ERCC6: variants seen among roughly 807,000 people sequenced by gnomAD.
The protein encoded by ERCC6 is ERCC excision repair 6, chromatin remodeling factor, also known as DNA excision repair protein ERCC-6.
Under a neutral mutation model 158.7 loss-of-function variants are expected in ERCC6, and 116 were observed. The observed-to-expected ratio is 0.73, with a 90% CI of 0.63 to 0.85. ERCC6 has a LOEUF of 0.85. Ranked by LOEUF, ERCC6 falls within the 40% of genes least tolerant of loss-of-function variation. The pLI, the probability that ERCC6 is intolerant of heterozygous loss-of-function variation, is 0.00. For synonymous variants in ERCC6, 678 were observed against 659.3 expected (o/e 1.03, Z -0.43); for missense variants, 1,698 against 1,799.4 (o/e 0.94, Z 1.02).
intron 12 of ERCC6, among the ~76,000 whole-genome samples, chr10:49,475,684 T>C (rs979137035): frequency 6.6e-6 from 1 of 152,174 alleles, no homozygotes; most frequent in African/African-American, 2.4e-5. Context: ...AGAATCACCA[T>C]AAATAAATTA....
the ERCC6 span, among the ~76,000 whole-genome samples, chr10:49,447,207 CAAAAT>C: frequency 6.6e-6 from 1 of 152,118 alleles, no homozygotes; most frequent in Admixed American, 6.5e-5. Context: ...TTAAAACAGA[CAAAAT>C]AAACAATTTT....
chr10:49,517,827 A>C (rs1413654326), intron 5 of ERCC6, among the ~76,000 whole-genome samples: 1 of 152,138 alleles, frequency 6.6e-6, no homozygotes, highest in African/African-American at 2.4e-5. Flanking sequence ...TACAGGTATG[A>C]GCCATTGTGC....
At chr10:49,531,723 T>C (rs1837473034) in intron 2 of ERCC6, among the ~76,000 whole-genome samples, 2 of 152,190 alleles carry the variant, frequency 1.3e-5, no homozygotes, top group African/African-American at 4.8e-5. Flanking sequence ...GCAGAAAACA[T>C]GTCTTTGAAG....
rs56345022 is a variant in ERCC6 at position 49,530,878 on chromosome 10, TA to T, written c.423-39del. ...ATAAATTGTCTATTTTGCACTCTGATAACATTTTTATAGCATAATATAAAGA... is the reference window on the plus strand; with the variant it reads ...ATAAATTGTCTATTTTGCACTCTGATACATTTTTATAGCATAATATAAAGA... On this transcript the variant is annotated intron_variant, in intron 2 of 20. Transcript: ENST00000355832. 2.6e-4 allele frequency: 412 copies of T among 1,608,336 alleles called. 2 individuals are homozygous for T. The African/African-American group carries it at 4.7e-3, about 18-fold the overall frequency.
intron 3 of ERCC6, among the ~76,000 whole-genome samples, chr10:49,530,304 T>C (rs146326941): frequency 6.6e-6 from 1 of 152,338 alleles, no homozygotes; most frequent in East Asian, 1.9e-4. Context: ...TGTGATGGGT[T>C]TATCAGGGCA....
chr10:49,532,543 G>C lies in ERCC6; in HGVS notation c.422C>G (p.Thr141Arg). ...AAGGAAGAAGATGGGCTGCACTCACGTGAGGTCATCCAGGACCGACCGATA... is the reference window on the plus strand; with the variant it reads ...AAGGAAGAAGATGGGCTGCACTCACCTGAGGTCATCCAGGACCGACCGATA... ...KEYRSVLDDLTSCTTSLRQIN... is the reference protein window; with the variant it reads ...KEYRSVLDDLRSCTTSLRQIN... Residue 141 changes from threonine (T) to arginine (R), a missense_variant and splice_region_variant, in exon 2 of 21, where the codon ACG becomes AGG. Thr to Arg is a moderately conservative substitution (Grantham distance 71, BLOSUM62 -1). Transcript: ENST00000355832. 1.2e-6 allele frequency: 2 copies of C among 1,613,768 alleles called. No individual in the cohort carries two copies. The highest frequency in any genetic ancestry group is 3.3e-4 in the Middle Eastern group (2 of 6,062).
downstream of ERCC6, among the ~76,000 whole-genome samples, chr10:49,453,098 T>C (rs773495922): frequency 2.0e-5 from 3 of 152,130 alleles, no homozygotes; most frequent in Non-Finnish European, 2.9e-5. Flanking sequence ...CTAGTATCCA[T>C]TGTGTTCTTT....
rs1354730177 is a variant in ERCC6, at chr10:49,506,152, A to G, written c.1398-140T>C. ...TAATGCTGCCATTATTACCCAAAAC[A>G]CTGATATTCAAAGAGGAAAAACAAT... On this transcript the variant is annotated intron_variant, in intron 5 of 20. Coordinates refer to ENST00000355832, the MANE Select transcript of ERCC6 (RefSeq NM_000124.4). 4 of 850,400 alleles carry G rather than the reference A, an allele frequency of 4.7e-6. No individual in the cohort carries two copies. In the African/African-American group the frequency reaches 5.1e-5, roughly 11 times the overall value. 52.7% of individuals were successfully genotyped at this position (850,400 alleles called of 1,614,324 possible). A position where few individuals can be genotyped will look rare whatever the true frequency, so the allele number is the denominator to read the frequency against.
intron 15 of ERCC6, 163 bp downstream of exon 15, chr10:49,472,746 T>C (rs1231322125): frequency 2.3e-6 from 2 of 872,914 alleles, no homozygotes; most frequent in East Asian, 2.6e-5. Flanking sequence ...TTCCTGTCCA[T>C]TTGACTCTGA....
Position 49,493,046 on chromosome 10 carries a change from C to CAG in ERCC6, c.1821+69_1821+70dup. 2.7e-6 allele frequency: 4 copies of CAG among 1,508,572 alleles called. No homozygotes were observed. In the Admixed American group the frequency reaches 6.8e-5, roughly 26 times the overall value. 93.4% of individuals were successfully genotyped at this position (1,508,572 alleles called of 1,614,324 possible). Reference sequence around the variant, plus strand: ...ATATACATTTGAGAAACACATGGATCAGAGAAAAACCAAATATGTAAAATG... The same window carrying CAG: ...ATATACATTTGAGAAACACATGGATCAGAGAGAAAAACCAAATATGTAAAATG... On this transcript the variant is annotated intron_variant, in intron 8 of 20. Transcript: ENST00000355832.
At chr10:49,527,709 T>C (rs986158284) in intron 4 of ERCC6, among the ~76,000 whole-genome samples, 2 of 152,368 alleles carry the variant, frequency 1.3e-5, no homozygotes, top group South Asian at 2.1e-4. Flanking sequence ...ATTGCTTCAA[T>C]TAATTCTTCA....
intron 8 of ERCC6, among the ~76,000 whole-genome samples, chr10:49,487,856 G>T (rs1851102428): frequency 1.3e-5 from 2 of 152,164 alleles, no homozygotes; most frequent in Admixed American, 1.3e-4. Context: ...GAATTAAAAA[G>T]ATGCTTATGT....
chr10:49,444,733 G>C, the ERCC6 span, among the ~76,000 whole-genome samples: 1 of 152,146 alleles, frequency 6.6e-6, no homozygotes, highest in Admixed American at 6.6e-5. Context: ...TAATTCCTAT[G>C]TTACAGGAAC....
rs2132621346 is a variant in ERCC6, at chr10:49,524,503, T to C, written c.927A>G (p.Gln309=). Residue 309 remains glutamine, a synonymous_variant, in exon 5 of 21, where the codon CAA becomes CAG. Coordinates refer to ENST00000355832, the MANE Select transcript of ERCC6 (RefSeq NM_000124.4). ...PAPVTPPAPV[Q]NKNKPNKKAR... is the part of the protein sequence containing the mutation. ...CTTTCTTGTTTGGTTTGTTTTTATT[T>C]TGCACTGGGGCTGGAGGCGTGACTG... 6.2e-7 allele frequency: 1 copy of C among 1,614,234 alleles called. No individual in the cohort carries two copies. Among genetic ancestry groups the C allele is most frequent in the Non-Finnish European group, 8.5e-7 (1 of 1,180,038 alleles).
downstream of ERCC6, among the ~76,000 whole-genome samples, chr10:49,452,417 T>C (rs1221886384): frequency 2.0e-5 from 3 of 152,128 alleles, no homozygotes; most frequent in Non-Finnish European, 2.9e-5. Flanking sequence ...TTTTTATTTC[T>C]AATTTAATCC....
intron 5 of ERCC6, chr10:49,516,400 G>C (rs751348434): frequency 1.2e-6 from 2 of 1,614,096 alleles, no homozygotes; most frequent in East Asian, 4.5e-5. Context: ...TTGTCCACTG[G>C]ATCCAAATTT....
chr10:49,539,493 G>C (rs3793784), upstream of ERCC6: 45,532 of 152,182 alleles, frequency 0.3, 8,410 homozygotes, highest in Non-Finnish European at 0.42. Flanking sequence ...GGGAAGGATG[G>C]AGAGCTGTCC....
At chr10:49,512,395 G>A (rs555405236) in intron 5 of ERCC6, among the ~76,000 whole-genome samples, 7 of 152,292 alleles carry the variant, frequency 4.6e-5, no homozygotes, top group Non-Finnish European at 8.8e-5. Flanking sequence ...CATGTTGCAC[G>A]GTTTGTCCCC....
the ERCC6 span, among the ~76,000 whole-genome samples, chr10:49,437,836 A>G: frequency 1.3e-5 from 2 of 152,250 alleles, no homozygotes; most frequent in Non-Finnish European, 2.9e-5. Context: ...ACATGGAAAT[A>G]GTCTTAAAAA....
Sources: gnomAD v4.1 joint callset for allele counts (sites outside exome capture counted in the v4.1 genomes callset) on GRCh38, gnomAD v4.1.1 for gene constraint, MANE v1.5 for transcripts, NCBI Gene and HGNC (gene_info 2026-07-23, HGNC 2026-07-21) for gene names.